THADA: variants seen among roughly 807,000 people sequenced by gnomAD.
The protein encoded by THADA is tRNA (32-2'-O)-methyltransferase regulator THADA.
In THADA, 213 loss-of-function variants were observed where a neutral mutation model predicts 219.8. The ratio of observed to expected loss-of-function variants is 0.97; its 90% CI spans 0.87 to 1.09. The LOEUF is 1.09. THADA is among the 50% of genes least tolerant of loss of function. The probability of loss-of-function intolerance (pLI) is 0.00; values close to 1 mark genes in which losing one functional copy is unlikely to be tolerated. For missense variants in THADA, 2,956 were observed against 2,311.3 expected (o/e 1.28, Z -5.72); for synonymous variants, 1,018 against 828.9 (o/e 1.23, Z -3.92).
chr2:43,532,308 G>C (rs1469225793), intron 21 of THADA, among the ~76,000 whole-genome samples: 1 of 151,152 alleles, frequency 6.6e-6, no homozygotes, highest in Non-Finnish European at 1.5e-5. Flanking sequence ...AGCTACTTGG[G>C]AGGCTGAGGC....
chr2:43,283,641 T>C (rs1673639112), intron 35 of THADA, among the ~76,000 whole-genome samples: 1 of 152,142 alleles, frequency 6.6e-6, no homozygotes. Flanking sequence ...CTGTGGAACT[T>C]TGAACTTGAG....
At chr2:43,514,463 T>C (rs944420106) in intron 22 of THADA, among the ~76,000 whole-genome samples, 1 of 140,176 alleles carries the variant, frequency 7.1e-6, no homozygotes, top group Non-Finnish European at 1.5e-5. Flanking sequence ...AAAATATATA[T>C]ATAATATATA....
At chr2:43,375,460 A>G (rs1180765129) in intron 29 of THADA, among the ~76,000 whole-genome samples, 8 of 152,236 alleles carry the variant, frequency 5.3e-5, no homozygotes, top group Admixed American at 5.2e-4. Context: ...TAATTTTAAA[A>G]TGATAAGTAT....
At chr2:43,488,580 C>T (rs1379940620) in intron 25 of THADA, among the ~76,000 whole-genome samples, 1 of 152,124 alleles carries the variant, frequency 6.6e-6, no homozygotes, top group Admixed American at 6.6e-5. Flanking sequence ...ATCTGTTCTT[C>T]ATTTGACGGA....
chr2:43,355,486 C>T (rs1668775341), intron 29 of THADA, among the ~76,000 whole-genome samples: 1 of 152,130 alleles, frequency 6.6e-6, no homozygotes, highest in Non-Finnish European at 1.5e-5. Context: ...TTCCTTTGCT[C>T]GCAGAAGCTT....
At chr2:43,270,946 A>G (rs1438430402) in intron 36 of THADA, among the ~76,000 whole-genome samples, 1 of 152,186 alleles carries the variant, frequency 6.6e-6, no homozygotes. Flanking sequence ...ATGAAACAGG[A>G]GCATCAAGAG....
chr2:43,420,147 C>A (rs1304862317), intron 28 of THADA, among the ~76,000 whole-genome samples: 1 of 152,192 alleles, frequency 6.6e-6, no homozygotes. Context: ...AGACTGAACT[C>A]CCACATTTCT....
At chr2:43,551,750 A>C (rs896497868) in intron 19 of THADA, 39 bp downstream of exon 19, 8 of 1,569,540 alleles carry the variant, frequency 5.1e-6, no homozygotes, top group Non-Finnish European at 6.0e-6. Context: ...CATAATAATC[A>C]AACCACAGCA....
chr2:43,547,406 T>C (rs1315356943), intron 20 of THADA, among the ~76,000 whole-genome samples: 5 of 152,238 alleles, frequency 3.3e-5, no homozygotes, highest in East Asian at 1.9e-4. Context: ...TGAATCTGAA[T>C]GTTGGCCTGC....
intron 31 of THADA, among the ~76,000 whole-genome samples, chr2:43,308,289 T>TA (rs915446294): frequency 4.0e-5 from 6 of 150,638 alleles, no homozygotes; most frequent in Admixed American, 6.6e-5. Context: ...TAAAACAGAT[T>TA]AAAAAAAAAG....
intron 21 of THADA, among the ~76,000 whole-genome samples, chr2:43,535,719 A>G (rs1694509214): frequency 6.7e-6 from 1 of 149,952 alleles, no homozygotes; most frequent in Non-Finnish European, 1.5e-5. Context: ...CTTTTCCCAG[A>G]TCAATGTCCT....
At chr2:43,329,408 A>T (rs1187337059) in intron 30 of THADA, among the ~76,000 whole-genome samples, 1 of 152,228 alleles carries the variant, frequency 6.6e-6, no homozygotes, top group East Asian at 1.9e-4. Context: ...TCACAAGGGG[A>T]GAATTTCTAA....
intron 24 of THADA, among the ~76,000 whole-genome samples, chr2:43,504,742 G>A (rs951492570): frequency 3.3e-5 from 5 of 152,218 alleles, no homozygotes; most frequent in African/African-American, 1.2e-4. Flanking sequence ...TGATTTGCCA[G>A]GCATGGCGGC....
At chr2:43,533,938 G>A (rs1466700942) in intron 21 of THADA, among the ~76,000 whole-genome samples, 1 of 152,082 alleles carries the variant, frequency 6.6e-6, no homozygotes, top group Non-Finnish European at 1.5e-5. Context: ...CTTGTTTGCA[G>A]GTGACATTAT....
At chr2:43,456,712 C>T (rs1415141967) in intron 26 of THADA, among the ~76,000 whole-genome samples, 2 of 152,118 alleles carry the variant, frequency 1.3e-5, no homozygotes, top group Non-Finnish European at 2.9e-5. Flanking sequence ...ACAAATTACA[C>T]ACACATTGTT....
rs1230865224 is a variant in THADA, at chr2:43,237,244, T to TG, written c.5297-4363dup. 9.9e-5 allele frequency among the ~76,000 whole-genome samples: 15 copies of TG among 151,816 alleles called. No homozygotes were observed. The East Asian group carries it at 2.9e-3, about 29-fold the overall frequency. ...ATTTTTGACAAGGGTACCAAAATAA[T>TG]GGGGAAAAAACGGTCTTTTCAACCA... On this transcript the variant is annotated intron_variant, in intron 36 of 37. Transcript: ENST00000405975.
rs1016630878 is a variant in THADA, at chr2:43,409,994, G to A, written c.4059-11855C>T. On this transcript the variant is annotated intron_variant, in intron 28 of 37. Coordinates refer to ENST00000405975, the MANE Select transcript of THADA (RefSeq NM_022065.5). ...ACTGTGCCACTGCACTCCAGCTAGG[G>A]TGTCAGATCAAGATCTCATCTCTTA... 4.6e-5 allele frequency among the ~76,000 whole-genome samples: 7 copies of A among 151,388 alleles called. No homozygotes were observed. In the South Asian group the frequency reaches 1.5e-3, roughly 32 times the overall value.
At chr2:43,422,409 C>T (rs1677827904) in intron 28 of THADA, among the ~76,000 whole-genome samples, 1 of 152,160 alleles carries the variant, frequency 6.6e-6, no homozygotes, top group Non-Finnish European at 1.5e-5. Flanking sequence ...ACTAGTTCTT[C>T]AGTGACCTTC....
At chr2:43,385,338 GGCTCAT>G (rs1167736858) in intron 29 of THADA, among the ~76,000 whole-genome samples, 4 of 152,024 alleles carry the variant, frequency 2.6e-5, no homozygotes, top group Non-Finnish European at 4.4e-5. Context: ...TGGGTGCGGT[GGCTCAT>G]GCCTGTAATC....
Sources: allele counts gnomAD v4.1 joint callset (sites outside exome capture counted in the v4.1 genomes callset), GRCh38; gene constraint gnomAD v4.1.1; transcripts MANE v1.5; gene names NCBI Gene and HGNC (gene_info 2026-07-23, HGNC 2026-07-21).